The following MCF2L variants were observed in gnomAD, a reference collection of about 807,000 sequenced individuals.
MCF2L encodes MCF.2 cell line derived transforming sequence like.
Under a neutral mutation model 153.4 loss-of-function variants are expected in MCF2L, and 97 were observed. The ratio of observed to expected loss-of-function variants is 0.63; its 90% CI spans 0.54 to 0.75. The LOEUF (loss-of-function observed/expected upper bound fraction) is 0.75, where lower values mean the gene tolerates loss of function less well. MCF2L is among the 30% of genes least tolerant of loss of function. MCF2L has a pLI of 0.00. For synonymous variants in MCF2L, 659 were observed against 632.2 expected (o/e 1.04, Z -0.64); for missense variants, 1,347 against 1,495.2 (o/e 0.90, Z 1.64).
chr13:113,078,582 C>A, intron 14 of MCF2L, 84 bp from the exon 15 acceptor site: 1 of 1,429,822 alleles, frequency 7.0e-7, no homozygotes, highest in South Asian at 1.2e-5. Flanking sequence ...TGTCCCCATA[C>A]GGGAACTGGT....
At chr13:112,992,917 G>A (rs531970895) in intron 1 of MCF2L, among the ~76,000 whole-genome samples, 7 of 152,320 alleles carry the variant, frequency 4.6e-5, no homozygotes, top group African/African-American at 1.7e-4. Context: ...TGTTCATCTC[G>A]TAAGGGTGTC....
intron 2 of MCF2L, among the ~76,000 whole-genome samples, chr13:112,924,231 G>T (rs529826562): frequency 6.6e-6 from 1 of 151,942 alleles, no homozygotes; most frequent in Non-Finnish European, 1.5e-5. Flanking sequence ...ACCCCCCCAC[G>T]ATGTGTCGTC....
chr13:112,918,890 G>T (rs901732642), intron 2 of MCF2L, among the ~76,000 whole-genome samples: 1 of 151,984 alleles, frequency 6.6e-6, no homozygotes, highest in Non-Finnish European at 1.5e-5. Flanking sequence ...TGGATTACAC[G>T]GATTCTTGAA....
rs1429202936 is a variant in MCF2L, at chr13:113,096,761, G to C, written c.3293-13G>C. 1 of 1,566,012 alleles carries C rather than the reference G, an allele frequency of 6.4e-7. No homozygotes were observed. Among genetic ancestry groups the C allele is most frequent in the South Asian group, 1.2e-5 (1 of 86,642 alleles). On this transcript the variant is annotated splice_polypyrimidine_tract_variant and intron_variant, in intron 29 of 29. Coordinates refer to ENST00000535094, the MANE Select transcript of MCF2L (RefSeq NM_001112732.3). ...CCGACGCCGAAGCCCGTCCCCGCCT[G>C]ATCTCCCCGCAGAGTCGAGCCCGGG...
chr13:112,975,308 G>T (rs905362697), intron 1 of MCF2L, among the ~76,000 whole-genome samples: 1 of 152,234 alleles, frequency 6.6e-6, no homozygotes, highest in South Asian at 2.1e-4. Context: ...TTTGCACCTT[G>T]TGAGGTTAGC....
chr13:112,900,922 G>GT, intron 1 of MCF2L, among the ~76,000 whole-genome samples: 1 of 152,030 alleles, frequency 6.6e-6, no homozygotes, highest in African/African-American at 2.4e-5. Context: ...CTGAGGGATG[G>GT]GATGGGGTTT....
chr13:113,047,172 TG>T (rs2086869491), intron 4 of MCF2L: 1 of 153,180 alleles, frequency 6.5e-6, no homozygotes, highest in East Asian at 1.9e-4. Flanking sequence ...GGGATGGCGC[TG>T]AGCCATTCAT....
intron 2 of MCF2L, among the ~76,000 whole-genome samples, chr13:112,926,781 T>A (rs1363911354): frequency 6.6e-6 from 1 of 151,444 alleles, no homozygotes. Flanking sequence ...AGGAGCAGAG[T>A]GGCGGTCGCC....
chr13:112,895,861 G>A (rs547498295), intron 1 of MCF2L, among the ~76,000 whole-genome samples: 41 of 151,844 alleles, frequency 2.7e-4, no homozygotes, highest in African/African-American at 9.9e-4. Flanking sequence ...CTGTGCAGCG[G>A]TCCCGGTGTC....
intron 1 of MCF2L, among the ~76,000 whole-genome samples, chr13:112,901,971 C>G (rs1490052665): frequency 6.6e-6 from 1 of 152,208 alleles, no homozygotes; most frequent in Non-Finnish European, 1.5e-5. Flanking sequence ...GCTCCTGCGA[C>G]CCTTTATTCT....
At chr13:112,975,332 A>G (rs1469599963) in intron 1 of MCF2L, among the ~76,000 whole-genome samples, 1 of 152,154 alleles carries the variant, frequency 6.6e-6, no homozygotes, top group Non-Finnish European at 1.5e-5. Flanking sequence ...GCCCCTATGA[A>G]GGGTTGCATT....
intron 1 of MCF2L, among the ~76,000 whole-genome samples, chr13:113,000,061 G>T: frequency 1.3e-5 from 2 of 152,304 alleles, no homozygotes; most frequent in South Asian, 4.1e-4. Context: ...CAGGTGCATC[G>T]GCTGGTGCCG....
intron 2 of MCF2L, among the ~76,000 whole-genome samples, chr13:113,019,450 G>A (rs774041980): frequency 6.6e-6 from 1 of 152,226 alleles, no homozygotes; most frequent in Non-Finnish European, 1.5e-5. Context: ...ACAGACAGAC[G>A]TTCCCTGCCC....
At position 112,985,339 on chromosome 13, in the gene MCF2L, G is replaced by A. The variant is rs74115729; in HGVS notation, c.79+15881G>A. The A allele has an allele frequency of 1.7e-3, 768 of 462,672 alleles. 6 individuals are homozygous for A. Among genetic ancestry groups the A allele is most frequent in the African/African-American group, 0.014 (699 of 50,118 alleles). The allele number at this position is 462,672 out of a possible 1,614,324, so 28.7% of individuals were successfully genotyped here. On this transcript the variant is annotated intron_variant, in intron 1 of 29. Coordinates refer to ENST00000535094, the MANE Select transcript of MCF2L (RefSeq NM_001112732.3). ...CCTGTTACAAGGAGAGGGTTGTGGC[G>A]AGCCCAGGGCAGCGCGCGTCCTCCC...
At chr13:112,954,357 A>T (rs1333211049) in intron 2 of MCF2L, among the ~76,000 whole-genome samples, 1 of 151,860 alleles carries the variant, frequency 6.6e-6, no homozygotes, top group African/African-American at 2.4e-5. Flanking sequence ...GGCCGAGGCA[A>T]CCACCCTTTC....
At chr13:112,967,710 C>T (rs1254301750), upstream of MCF2L, 6 of 153,326 alleles carry the variant, frequency 3.9e-5, no homozygotes, top group East Asian at 9.6e-4. Context: ...TGCCACTGGA[C>T]ACCGGGATGT....
rs143000630 is a variant in MCF2L, at chr13:113,031,948, AACC to A, written c.278+7193_278+7195del. ...TACATACACAGATGTGCATGTGTAT[AACC>A]ACACACGTGCGCACACACACACATG... On this transcript the variant is annotated intron_variant, in intron 3 of 29. Coordinates refer to ENST00000535094, the MANE Select transcript of MCF2L (RefSeq NM_001112732.3). The surrounding 1 kb of genome is among the most constrained non-coding windows in gnomAD (Gnocchi z 5.5). Among the ~76,000 whole-genome samples the A allele has an allele frequency of 6.6e-6, 1 of 152,220 alleles. No individual in the cohort carries two copies. Among genetic ancestry groups the A allele is most frequent in the East Asian group, 1.9e-4 (1 of 5,184 alleles).
chr13:112,898,914 C>T (rs1566625060), intron 1 of MCF2L, among the ~76,000 whole-genome samples: 1 of 152,182 alleles, frequency 6.6e-6, no homozygotes, highest in African/African-American at 2.4e-5. Context: ...AGGCCCTGCA[C>T]CCACCACCAC....
chr13:113,090,276 C>G, intron 26 of MCF2L: 2 of 1,320,788 alleles, frequency 1.5e-6, no homozygotes, highest in South Asian at 2.6e-5. Flanking sequence ...GCGTTTCTTT[C>G]CACCCAATCA....
Sources: allele counts gnomAD v4.1 joint callset (sites outside exome capture counted in the v4.1 genomes callset), GRCh38; gene constraint gnomAD v4.1.1; non-coding constraint Gnocchi (gnomAD v3.1); transcripts MANE v1.5; gene names NCBI Gene and HGNC (gene_info 2026-07-23, HGNC 2026-07-21).